The following PLA2G4B variants were observed in gnomAD, a reference collection of about 807,000 sequenced individuals.
PLA2G4B encodes the protein phospholipase A2 group IVB, also known as cytosolic phospholipase A2 beta.
Under a neutral mutation model 95.8 loss-of-function variants are expected in PLA2G4B, and 122 were observed. The ratio of observed to expected loss-of-function variants is 1.27; its 90% CI spans 1.10 to 1.48. The LOEUF (loss-of-function observed/expected upper bound fraction) is 1.48. Among genes scored for constraint, PLA2G4B ranks in the 40% most tolerant of loss-of-function variants. The probability of loss-of-function intolerance (pLI) is 0.00; values close to 1 mark genes in which losing one functional copy is unlikely to be tolerated. For synonymous variants in PLA2G4B, 518 were observed against 421.5 expected, an observed-to-expected ratio of 1.23 and a Z score of -2.80; for missense variants, 1,158 against 996.2, an observed-to-expected ratio of 1.16 and a Z score of -2.19.
chr15:41,840,176 T>C lies in PLA2G4B; in HGVS notation c.28T>C (p.Cys10Arg). 1 of 1,613,348 alleles carries C rather than the reference T, an allele frequency of 6.2e-7. No individual in the cohort carries two copies. Among genetic ancestry groups the C allele is most frequent in the Non-Finnish European group, 8.5e-7 (1 of 1,180,002 alleles). The change falls in exon 2 of 20, where the codon TGC becomes CGC. Residue 10 changes from cysteine (C) to arginine (R), a missense_variant. By Grantham distance (180) the Cys-to-Arg change is radical. Transcript: ENST00000458483. ...TCTGCAGGCAGAGGTGTCCAGGACC[T>C]GCCTGCTCACGGTTCGTGTCCTGCA... Reference protein sequence around the residue: MAVAEVSRTCLLTVRVLQAH... With the variant: MAVAEVSRTRLLTVRVLQAH...
At position 41,847,317 on chromosome 15, in the gene PLA2G4B, C is replaced by T. The variant is rs2065580120; in HGVS notation, c.1948-20C>T. On this transcript the variant is annotated intron_variant, in intron 18 of 19. Coordinates refer to ENST00000458483, the MANE Select transcript of PLA2G4B (RefSeq NM_001114633.2). ...GCCAGGGGCCCTGTCCCTCTGAAGC[C>T]CCTTCTGCCTGCCCTGCAGCAGTTG... 1 of 1,580,580 alleles carries T rather than the reference C, an allele frequency of 6.3e-7. No individual in the cohort carries two copies. The highest frequency in any genetic ancestry group is 1.7e-5 in the Admixed American group (1 of 58,212).
At position 41,847,496 on chromosome 15, in the gene PLA2G4B, G is replaced by T; in HGVS notation, c.2107G>T (p.Asp703Tyr). The part of the protein sequence containing the change: ...PAVLHFPLVS[D>Y]SFREYSAPGV... ...GGTGCTGCACTTTCCTCTGGTCAGC[G>T]ACTCCTTCCGGGAGTACTCGGCCCC... Residue 703 changes from aspartate to tyrosine, a missense_variant, in exon 19 of 20, where the codon GAC becomes TAC. Coordinates refer to ENST00000458483, the MANE Select transcript of PLA2G4B (RefSeq NM_001114633.2). The T allele has an allele frequency of 3.7e-6, 6 of 1,608,858 alleles. No individual in the cohort carries two copies. The highest frequency in any genetic ancestry group is 5.1e-6 in the Non-Finnish European group (6 of 1,176,524).
At chr15:41,841,464 G>A in intron 6 of PLA2G4B, 53 bp from the exon 7 acceptor site, 1 of 1,613,410 alleles carries the variant, frequency 6.2e-7, no homozygotes, top group East Asian at 2.2e-5. Flanking sequence ...CGAGGGTGGG[G>A]TCCCTGAATG....
Position 41,841,079 on chromosome 15 carries a change from T to G in PLA2G4B, c.376T>G (p.Phe126Val), listed in dbSNP as rs1317779516. Residue 126 changes from phenylalanine to valine, a missense_variant, in exon 5 of 20, where the codon TTT becomes GTT. Coordinates refer to ENST00000458483, the MANE Select transcript of PLA2G4B (RefSeq NM_001114633.2). ...PQGEGRLEVE[F>V]RLQSLADRGE... The stretch of plus-strand genomic sequence containing the variant: ...GGGTGAGGGGCGCCTGGAAGTTGAA[T>G]TTCGCCTGCAGAGTCTGTGAGTCAG... 21 of 1,588,314 alleles carry G rather than the reference T, an allele frequency of 1.3e-5. No homozygotes were observed. The highest frequency in any genetic ancestry group is 1.8e-5 in the Non-Finnish European group (21 of 1,163,864).
rs1455775886 is a variant in PLA2G4B at position 41,840,757 on chromosome 15, ACT to A, written c.220-14_220-13del. The A allele has an allele frequency of 1.9e-6, 3 of 1,611,770 alleles. No individual in the cohort carries two copies. Among genetic ancestry groups the A allele is most frequent in the African/African-American group, 1.3e-5 (1 of 74,836 alleles). ...GTCCCCTCCCTCCTGCAGCCCTGTCACTCTTTTCCCCTCCAGAATGTCATGGA... is the reference window on the plus strand; with the variant it reads ...GTCCCCTCCCTCCTGCAGCCCTGTCACTTTTCCCCTCCAGAATGTCATGGA... On this transcript the variant is annotated splice_polypyrimidine_tract_variant and intron_variant, in intron 3 of 19. Transcript: ENST00000458483.
At chr15:41,845,536 C>T in intron 14 of PLA2G4B, 102 bp from the exon 15 acceptor site, 1 of 1,537,452 alleles carries the variant, frequency 6.5e-7, no homozygotes, top group Non-Finnish European at 8.7e-7. Flanking sequence ...AGGCCTGGGC[C>T]TCCTGGTCCT....
At position 41,841,835 on chromosome 15, in the gene PLA2G4B, T is replaced by A; in HGVS notation, c.507T>A (p.Val169=). The stretch of plus-strand genomic sequence containing the variant: ...TGTTTCCAGCCTCAGAGCACAGAGT[T>A]CAGCTTGTGGTTCCTGGGTCCTGTG... ...TGDQKSSEHR[V]QLVVPGSCEG... is the part of the protein sequence containing the mutation. Residue 169 remains valine, a synonymous_variant, in exon 8 of 20, where the codon GTT becomes GTA. Transcript: ENST00000458483. 6.2e-7 allele frequency: 1 copy of A among 1,613,570 alleles called. No homozygotes were observed. The highest frequency in any genetic ancestry group is 8.5e-7 in the Non-Finnish European group (1 of 1,179,852).
Position 41,847,667 on chromosome 15 carries a change from AGGAGGCGGCAGCTGG to A in PLA2G4B, c.2159_2173del (p.Ala720_Glu724del). On this transcript the variant is annotated inframe_deletion, in exon 20 of 20. Transcript: ENST00000458483. Reference sequence around the variant, plus strand: ...TCCACAGGGGTCCGGCGGACACCCGAGGAGGCGGCAGCTGGGGAGGTGAACCTGTCTTCATCGGAC... The same window carrying A: ...TCCACAGGGGTCCGGCGGACACCCGAGGAGGTGAACCTGTCTTCATCGGAC... 2 of 1,613,630 alleles carry A rather than the reference AGGAGGCGGCAGCTGG, an allele frequency of 1.2e-6. No individual in the cohort carries two copies. The highest frequency in any genetic ancestry group is 1.7e-6 in the Non-Finnish European group (2 of 1,180,036).
Position 41,843,605 on chromosome 15 carries a change from A to C in PLA2G4B, c.744-71A>C, listed in dbSNP as rs2065476370. 7.0e-6 allele frequency: 11 copies of C among 1,572,936 alleles called. No homozygotes were observed. The South Asian group carries it at 1.2e-4, about 17-fold the overall frequency. On this transcript the variant is annotated intron_variant, in intron 10 of 19. Transcript: ENST00000458483. ...GGGAGGGCAGTAGGTATTACAGGTG[A>C]GGCAGACCCAGCTTTCCATTCTCTG...
rs777546247 is a variant in PLA2G4B, at chr15:41,845,796, G to A, written c.1495+21G>A. Reference sequence around the variant, plus strand: ...AGAAGGTGAGGGGCACTGGCAGGCTGGGGAAGCTGGGCCGAGCAGGGAAAA... The same window carrying A: ...AGAAGGTGAGGGGCACTGGCAGGCTAGGGAAGCTGGGCCGAGCAGGGAAAA... On this transcript the variant is annotated intron_variant, in intron 15 of 19. Coordinates refer to ENST00000458483, the MANE Select transcript of PLA2G4B (RefSeq NM_001114633.2). 1.9e-6 allele frequency: 3 copies of A among 1,573,970 alleles called. No homozygotes were observed. The East Asian group carries it at 6.7e-5, about 35-fold the overall frequency.
chr15:41,845,334 G>C lies in PLA2G4B; in HGVS notation c.1357+14G>C. On this transcript the variant is annotated intron_variant, in intron 14 of 19. Transcript: ENST00000458483. ...TTGAATTTGGGGGTGAGTGGCCCAA[G>C]AGCTGAGACCTGTGCCCTTGCAGTT... 1 of 1,612,972 alleles carries C rather than the reference G, an allele frequency of 6.2e-7. No homozygotes were observed. Among genetic ancestry groups the C allele is most frequent in the Non-Finnish European group, 8.5e-7 (1 of 1,179,446 alleles).
chr15:41,845,045 T>A lies in PLA2G4B; in HGVS notation c.1214T>A (p.Ile405Asn). 6.3e-7 allele frequency: 1 copy of A among 1,598,438 alleles called. No individual in the cohort carries two copies. The highest frequency in any genetic ancestry group is 1.1e-5 in the South Asian group (1 of 89,152). ...PSCFTNLWALINEALLHDEPH... is the reference protein window; with the variant it reads ...PSCFTNLWALNNEALLHDEPH... ...TGCTTCACCAACCTGTGGGCCCTCATCAACGAGGCGCTGCTGCATGATGAG... is the reference window on the plus strand; with the variant it reads ...TGCTTCACCAACCTGTGGGCCCTCAACAACGAGGCGCTGCTGCATGATGAG... Residue 405 changes from isoleucine (I) to asparagine (N), a missense_variant, in exon 13 of 20, where the codon ATC becomes AAC. Coordinates refer to ENST00000458483, the MANE Select transcript of PLA2G4B (RefSeq NM_001114633.2).
At position 41,846,845 on chromosome 15, in the gene PLA2G4B, G is replaced by T; in HGVS notation, c.1947+10G>T. ...CCACGGAGCCTTCCAGGTTGGGAAG[G>T]GTGGGCAGCCCACCAGGGAGGCGGT... On this transcript the variant is annotated intron_variant, in intron 18 of 19. Coordinates refer to ENST00000458483, the MANE Select transcript of PLA2G4B (RefSeq NM_001114633.2). 2 of 1,597,248 alleles carry T rather than the reference G, an allele frequency of 1.3e-6. No homozygotes were observed. Among genetic ancestry groups the T allele is most frequent in the Non-Finnish European group, 1.7e-6 (2 of 1,167,354 alleles).
At chr15:41,838,988 A>T (rs1300063672) in intron 1 of PLA2G4B, 66 bp downstream of exon 1, 3 of 1,307,328 alleles carry the variant, frequency 2.3e-6, no homozygotes, top group Non-Finnish European at 3.2e-6. Flanking sequence ...CCTAGTTAAT[A>T]TGTTTCTTAT....
intron 1 of PLA2G4B, 160 bp from the exon 2 acceptor site, chr15:41,839,998 A>T: frequency 1.3e-6 from 1 of 795,528 alleles, no homozygotes; most frequent in Non-Finnish European, 1.9e-6. Flanking sequence ...CATGATGGAG[A>T]TATCATGTCT....
chr15:41,845,263 C>G lies in PLA2G4B; in HGVS notation c.1300C>G (p.Pro434Ala). ...EALSHGQNPL[P>A]IYCALNTKGQ... ...CCTGAGTCATGGCCAGAACCCTCTGCCCATCTACTGTGCCCTCAACACCAA... is the reference window on the plus strand; with the variant it reads ...CCTGAGTCATGGCCAGAACCCTCTGGCCATCTACTGTGCCCTCAACACCAA... The change falls in exon 14 of 20, where the codon CCC (proline) becomes GCC (alanine). Residue 434 changes from proline to alanine, a missense_variant. Pro to Ala is a conservative substitution (Grantham distance 27). Coordinates refer to ENST00000458483, the MANE Select transcript of PLA2G4B (RefSeq NM_001114633.2). 6.2e-7 allele frequency: 1 copy of G among 1,614,202 alleles called. No homozygotes were observed. The highest frequency in any genetic ancestry group is 8.5e-7 in the Non-Finnish European group (1 of 1,180,024).
chr15:41,842,671 G>A lies in PLA2G4B; in HGVS notation c.743+80G>A, dbSNP rs967908589. The stretch of plus-strand genomic sequence containing the variant: ...GGCTGGAGGAGGCCTGGAGGAGTGA[G>A]GGGGAGAAACAGCCGCCCCTCATCC... On this transcript the variant is annotated intron_variant, in intron 10 of 19. Coordinates refer to ENST00000458483, the MANE Select transcript of PLA2G4B (RefSeq NM_001114633.2). 3.2e-6 allele frequency: 5 copies of A among 1,553,608 alleles called. No individual in the cohort carries two copies. The African/African-American group carries it at 6.9e-5, about 21-fold the overall frequency.
In PLA2G4B at chr15:41,841,211, G is replaced by C. The variant is rs201676425; in HGVS notation, c.393-20G>C. On this transcript the variant is annotated intron_variant, in intron 5 of 19. Transcript: ENST00000458483. ...GGGAACCTGGACTCCTGCTAAGGGG[G>C]CTCTGGGGGCTCTTTCCAGGGCTGA... is the stretch of plus-strand genomic sequence containing the variant. The C allele has an allele frequency of 3.7e-6, 6 of 1,613,974 alleles. No homozygotes were observed. In the African/African-American group the frequency reaches 8.0e-5, roughly 22 times the overall value.
chr15:41,847,705 G>C lies in PLA2G4B; in HGVS notation c.2191G>C (p.Asp731His). The change falls in exon 20 of 20, where the codon GAC becomes CAC. Residue 731 changes from aspartate to histidine, a missense_variant. Physicochemically the swap from Asp to His is moderately conservative, Grantham distance 81. Transcript: ENST00000458483. ...TGGGGAGGTGAACCTGTCTTCATCGGACTCTCCCTACCACTACACGAAGGT... is the reference window on the plus strand; with the variant it reads ...TGGGGAGGTGAACCTGTCTTCATCGCACTCTCCCTACCACTACACGAAGGT... The part of the protein sequence containing the change: ...AAGEVNLSSS[D>H]SPYHYTKVTY... 6.2e-7 allele frequency: 1 copy of C among 1,613,640 alleles called. No individual in the cohort carries two copies. The highest frequency in any genetic ancestry group is 8.5e-7 in the Non-Finnish European group (1 of 1,180,034).
Sources: allele counts gnomAD v4.1 joint callset, GRCh38; gene constraint gnomAD v4.1.1; transcripts MANE v1.5; gene names NCBI Gene and HGNC (gene_info 2026-07-23, HGNC 2026-07-21).